The following ST6GALNAC3 variants were observed in gnomAD, a reference collection of about 807,000 sequenced individuals.
ST6GALNAC3 encodes the protein alpha-N-acetylgalactosaminide alpha-2,6-sialyltransferase 3.
A neutral mutation model predicts 32.7 loss-of-function variants in ST6GALNAC3; 25 were observed. The observed-to-expected ratio is 0.76, with a 90% CI of 0.56 to 1.07. The LOEUF is 1.07. ST6GALNAC3 is among the 50% of genes least tolerant of loss of function. ST6GALNAC3 has a pLI of 0.00. For synonymous variants in ST6GALNAC3, 129 were observed against 133.1 expected (o/e 0.97, Z 0.21); for missense variants, 355 against 382.4 (o/e 0.93, Z 0.60).
At chr1:76,358,936 G>A (rs1048690904) in intron 2 of ST6GALNAC3, among the ~76,000 whole-genome samples, 6 of 152,148 alleles carry the variant, frequency 3.9e-5, no homozygotes, top group African/African-American at 1.4e-4. Flanking sequence ...TTCCCTTGAA[G>A]AAGCACCTTC....
intron 1 of ST6GALNAC3, among the ~76,000 whole-genome samples, chr1:76,217,990 T>C (rs12732283): frequency 2.6e-5 from 4 of 152,168 alleles, no homozygotes; most frequent in African/African-American, 9.7e-5. Context: ...GTGTGCAATT[T>C]TTTTTTTGTA....
chr1:76,414,617 G>A (rs1266422495), intron 3 of ST6GALNAC3, among the ~76,000 whole-genome samples: 1 of 152,038 alleles, frequency 6.6e-6, no homozygotes, highest in African/African-American at 2.4e-5. Flanking sequence ...AGAGACACTA[G>A]TGGTGTAATG....
chr1:76,603,218 C>T lies in ST6GALNAC3; in HGVS notation c.624-24234C>T, dbSNP rs577789444. Among the ~76,000 whole-genome samples, 12 of 152,264 alleles carry T rather than the reference C, an allele frequency of 7.9e-5. No individual in the cohort carries two copies. In the East Asian group the frequency reaches 2.3e-3, roughly 29 times the overall value. ...TTGCTTACCTTTCTACCTAACAATT[C>T]TACTCCTAGATATTTCCCTAGAGAA... On this transcript the variant is annotated intron_variant, in intron 3 of 4. Transcript: ENST00000328299.
rs76668704 is a variant in ST6GALNAC3 at position 76,573,537 on chromosome 1, C to T, written c.624-53915C>T. Among the ~76,000 whole-genome samples, 1,103 of 152,136 alleles carry T rather than the reference C, an allele frequency of 7.3e-3. 14 individuals carry two copies. Among genetic ancestry groups the T allele is most frequent in the African/African-American group, 0.023 (944 of 41,516 alleles). ...AACTTAGTGTGACTATGTGGCCTAC[C>T]TCACATTGTTTGTGTTACACCTACA... On this transcript the variant is annotated intron_variant, in intron 3 of 4. Transcript: ENST00000328299.
chr1:76,269,692 A>G (rs1410880024), intron 1 of ST6GALNAC3, among the ~76,000 whole-genome samples: 1 of 152,238 alleles, frequency 6.6e-6, no homozygotes, highest in African/African-American at 2.4e-5. Flanking sequence ...ATAAGGCCAC[A>G]TGCCATGTGC....
chr1:76,331,513 A>G (rs1185776238), intron 2 of ST6GALNAC3, among the ~76,000 whole-genome samples: 1 of 152,188 alleles, frequency 6.6e-6, no homozygotes, highest in Non-Finnish European at 1.5e-5. Context: ...CTTCTTGTCC[A>G]TAACCATCAT....
intron 3 of ST6GALNAC3, among the ~76,000 whole-genome samples, chr1:76,616,019 G>A (rs1210678863): frequency 5.3e-5 from 8 of 152,164 alleles, no homozygotes; most frequent in Admixed American, 5.2e-4. Flanking sequence ...TGAAAAAAAG[G>A]AGGTGAGGCC....
In ST6GALNAC3 at chr1:76,075,711, G is replaced by GTT. The variant is rs11410196; in HGVS notation, c.18+837_18+838dup. ...ACTGGTAGAGGCCTCCCCTGCCCTC[G>GTT]TTTTTTTTTTTGCACTACCTTTCTA... On this transcript the variant is annotated intron_variant, in intron 1 of 4. Coordinates refer to ENST00000328299, the MANE Select transcript of ST6GALNAC3 (RefSeq NM_152996.4). 1.2e-3 allele frequency among the ~76,000 whole-genome samples: 173 copies of GTT among 145,900 alleles called. 1 individual carries two copies. The East Asian group carries it at 0.017, about 14-fold the overall frequency.
At chr1:76,374,266 C>T (rs905595459) in intron 2 of ST6GALNAC3, among the ~76,000 whole-genome samples, 8 of 152,248 alleles carry the variant, frequency 5.3e-5, no homozygotes, top group Non-Finnish European at 1.0e-4. Flanking sequence ...AAAAGAAGAA[C>T]GAAAACATGA....
At chr1:76,567,632 G>T (rs1196013805) in intron 3 of ST6GALNAC3, among the ~76,000 whole-genome samples, 4 of 152,126 alleles carry the variant, frequency 2.6e-5, no homozygotes, top group African/African-American at 9.7e-5. Context: ...AATTCCCTTG[G>T]TATTTCAGAG....
At chr1:76,227,360 A>G (rs1313228298) in intron 1 of ST6GALNAC3, among the ~76,000 whole-genome samples, 1 of 152,184 alleles carries the variant, frequency 6.6e-6, no homozygotes, top group Non-Finnish European at 1.5e-5. Context: ...TTCAGGGTCA[A>G]TCTTTCTTGT....
chr1:76,579,361 A>G (rs1433675476), intron 3 of ST6GALNAC3, among the ~76,000 whole-genome samples: 1 of 151,978 alleles, frequency 6.6e-6, no homozygotes, highest in Non-Finnish European at 1.5e-5. Context: ...ATCCAATAGC[A>G]TATTATTTCA....
chr1:76,488,400 C>G (rs978890247), intron 3 of ST6GALNAC3, among the ~76,000 whole-genome samples: 1 of 152,182 alleles, frequency 6.6e-6, no homozygotes, highest in East Asian at 1.9e-4. Flanking sequence ...CACCATGCTT[C>G]CTGTAAAGCC....
chr1:76,076,810 G>C (rs1646822432), intron 1 of ST6GALNAC3, among the ~76,000 whole-genome samples: 1 of 152,156 alleles, frequency 6.6e-6, no homozygotes, highest in African/African-American at 2.4e-5. Flanking sequence ...CCATTTTACA[G>C]ATGAGAAAGT....
chr1:76,389,906 A>G (rs1557846161), intron 2 of ST6GALNAC3, among the ~76,000 whole-genome samples: 1 of 152,156 alleles, frequency 6.6e-6, no homozygotes, highest in South Asian at 2.1e-4. Flanking sequence ...CTTTTTTGGT[A>G]CCATTTACTA....
At chr1:76,286,687 C>G (rs938643032) in intron 1 of ST6GALNAC3, among the ~76,000 whole-genome samples, 2 of 152,234 alleles carry the variant, frequency 1.3e-5, no homozygotes, top group African/African-American at 4.8e-5. Context: ...TATGAAGCCA[C>G]CGGCCTCATG....
chr1:76,441,127 A>T (rs1656567706), intron 3 of ST6GALNAC3, among the ~76,000 whole-genome samples: 1 of 151,548 alleles, frequency 6.6e-6, no homozygotes, highest in Admixed American at 6.6e-5. Flanking sequence ...AGCAACATAG[A>T]TGCTGAACTT....
chr1:76,310,310 AC>A (rs1646736652), intron 1 of ST6GALNAC3, among the ~76,000 whole-genome samples: 1 of 152,178 alleles, frequency 6.6e-6, no homozygotes, highest in African/African-American at 2.4e-5. Context: ...TTACCTTGAC[AC>A]ATTGCAATGT....
chr1:76,359,561 T>A (rs928342090), intron 2 of ST6GALNAC3, among the ~76,000 whole-genome samples: 1 of 152,186 alleles, frequency 6.6e-6, no homozygotes, highest in Non-Finnish European at 1.5e-5. Context: ...GGTAGCATAG[T>A]TCTGCCAACA....
Sources: gnomAD v4.1 joint callset for allele counts (sites outside exome capture counted in the v4.1 genomes callset) on GRCh38, gnomAD v4.1.1 for gene constraint, MANE v1.5 for transcripts, NCBI Gene and HGNC (gene_info 2026-07-23, HGNC 2026-07-21) for gene names.